The following GLCE variants were observed in gnomAD, a reference collection of about 807,000 sequenced individuals.
GLCE encodes the protein D-glucuronyl C5-epimerase.
Under a neutral mutation model 47.9 loss-of-function variants are expected in GLCE, and 19 were observed. The ratio of observed to expected loss-of-function variants is 0.40; its 90% CI spans 0.28 to 0.58. The LOEUF (loss-of-function observed/expected upper bound fraction) is 0.58, where lower values mean the gene tolerates loss of function less well. Among genes scored for constraint, GLCE ranks in the 20% least tolerant of loss-of-function variants. GLCE has a pLI of 0.48. For missense variants in GLCE, 556 were observed against 743.3 expected (o/e 0.75, Z 2.93); for synonymous variants, 245 against 263.4 (o/e 0.93, Z 0.68).
chr15:69,181,272 A>C (rs1381087543), intron 1 of GLCE, among the ~76,000 whole-genome samples: 1 of 152,222 alleles, frequency 6.6e-6, no homozygotes, highest in Non-Finnish European at 1.5e-5. Flanking sequence ...AAGGAAAGGA[A>C]TGGGCTAGAG....
chr15:69,255,684 G>T (rs2052910347), intron 2 of GLCE, 110 bp from the exon 3 acceptor site: 3 of 628,074 alleles, frequency 4.8e-6, no homozygotes, highest in Non-Finnish European at 5.4e-6. Context: ...ATCCAAAATT[G>T]TCCTAATACA....
rs140697904 is a variant in GLCE, at chr15:69,268,521, C to G, written c.1131C>G (p.Pro377=). The change falls in exon 5 of 5, where the codon CCC becomes CCG. Residue 377 remains proline (P), a synonymous_variant. Transcript: ENST00000261858. Reference sequence around the variant, plus strand: ...CTGTCAAGCCAACCAAAATAATGCCCAAGAAGGTGGTTAGGTTGATTGCAA... The same window carrying G: ...CTGTCAAGCCAACCAAAATAATGCCGAAGAAGGTGGTTAGGTTGATTGCAA... The part of the protein sequence containing the change: ...TKAVKPTKIM[P]KKVVRLIAKG... 9.7e-4 allele frequency: 1,563 copies of G among 1,614,110 alleles called. 18 individuals are homozygous for G. The African/African-American group carries it at 0.019, about 19-fold the overall frequency.
intron 1 of GLCE, among the ~76,000 whole-genome samples, chr15:69,205,571 G>A (rs1345020624): frequency 6.6e-6 from 1 of 152,094 alleles, no homozygotes; most frequent in Non-Finnish European, 1.5e-5. Flanking sequence ...TTGACAAACT[G>A]TTTTCTAAAA....
chr15:69,211,316 A>G (rs1382503778), intron 2 of GLCE, among the ~76,000 whole-genome samples: 1 of 152,078 alleles, frequency 6.6e-6, no homozygotes, highest in Non-Finnish European at 1.5e-5. Flanking sequence ...GTATTTGATT[A>G]TATTTGTCTC....
chr15:69,179,517 G>C (rs995551961), intron 1 of GLCE, among the ~76,000 whole-genome samples: 3 of 152,136 alleles, frequency 2.0e-5, no homozygotes, highest in Non-Finnish European at 4.4e-5. Context: ...ATCATGTGTA[G>C]TTTTGACCAC....
intron 1 of GLCE, among the ~76,000 whole-genome samples, chr15:69,166,212 C>A (rs2051499169): frequency 6.6e-6 from 1 of 152,174 alleles, no homozygotes; most frequent in Non-Finnish European, 1.5e-5. Flanking sequence ...CATTGCCATT[C>A]ATTTTCAAAA....
intron 2 of GLCE, among the ~76,000 whole-genome samples, chr15:69,243,475 A>G (rs1375170686): frequency 1.3e-5 from 2 of 151,446 alleles, no homozygotes; most frequent in African/African-American, 4.9e-5. Flanking sequence ...TCAGTGGCTC[A>G]CACCTGTAAT....
chr15:69,190,363 G>GTCCTTACTAAGT (rs2051895554), intron 1 of GLCE, among the ~76,000 whole-genome samples: 4 of 152,054 alleles, frequency 2.6e-5, no homozygotes, highest in African/African-American at 9.7e-5. Context: ...TTGTCTACTA[G>GTCCTTACTAAGT]TTGTGTCATT....
Position 69,197,122 on chromosome 15 carries a change from C to T in GLCE, c.-104-13194C>T, listed in dbSNP as rs190291154. ...TGCAACGCCTGCAGCCAGCATTGAT[C>T]AACATAAAGGGCCCAGTCCTTCGGC... On this transcript the variant is annotated intron_variant, in intron 1 of 4. Transcript: ENST00000261858. 1.1e-5 allele frequency: 4 copies of T among 362,964 alleles called. No individual in the cohort carries two copies. In the East Asian group the frequency reaches 2.3e-4, roughly 20 times the overall value. The allele number at this position is 362,964 out of a possible 1,614,324, so 22.5% of individuals were successfully genotyped here.
At chr15:69,235,090 A>AATCTTTTTTTTTTTTT (rs1163529945) in intron 2 of GLCE, among the ~76,000 whole-genome samples, 1 of 82,488 alleles carries the variant, frequency 1.2e-5, no homozygotes, top group Non-Finnish European at 2.3e-5. Flanking sequence ...GATGAAGATT[A>AATCTTTTTTTTTTTTT]TTCTTTTTTT....
chr15:69,272,165 C>T lies in GLCE; in HGVS notation c.*2921C>T, dbSNP rs1025521509. ...GGATTGTTTGTGCTTAATGTAAAGC[C>T]GCTTTATAAAACTGTAAAATAAAGT... On this transcript the variant is annotated 3_prime_UTR_variant, in exon 5 of 5. Coordinates refer to ENST00000261858, the MANE Select transcript of GLCE (RefSeq NM_015554.3). 3.9e-5 allele frequency: 6 copies of T among 152,486 alleles called. No individual in the cohort carries two copies. Among genetic ancestry groups the T allele is most frequent in the Admixed American group, 6.5e-5 (1 of 15,270 alleles). The allele number at this position is 152,486 out of a possible 1,614,324, so 9.4% of individuals were successfully genotyped here.
At chr15:69,236,754 C>T (rs2052598696) in intron 2 of GLCE, among the ~76,000 whole-genome samples, 1 of 152,102 alleles carries the variant, frequency 6.6e-6, no homozygotes, top group Non-Finnish European at 1.5e-5. Context: ...ATGAGAAAAC[C>T]GTGATTCAGA....
Position 69,269,297 on chromosome 15 carries a change from C to T in GLCE, c.*53C>T. 2 of 1,426,848 alleles carry T rather than the reference C, an allele frequency of 1.4e-6. No homozygotes were observed. The highest frequency in any genetic ancestry group is 2.0e-6 in the Non-Finnish European group (2 of 1,021,384). The allele number at this position is 1,426,848 out of a possible 1,614,324, so 88.4% of individuals were successfully genotyped here. A position where few individuals can be genotyped will look rare whatever the true frequency, so the allele number is the denominator to read the frequency against. ...CTCTGCTGTACACAGAAACTACAGG[C>T]TCTGTCTCAGGAGAGCATAGGCACA... On this transcript the variant is annotated 3_prime_UTR_variant, in exon 5 of 5. Coordinates refer to ENST00000261858, the MANE Select transcript of GLCE (RefSeq NM_015554.3).
intron 2 of GLCE, among the ~76,000 whole-genome samples, chr15:69,217,615 A>G (rs1375728201): frequency 6.6e-6 from 1 of 152,166 alleles, no homozygotes; most frequent in Non-Finnish European, 1.5e-5. Context: ...TTTTGCATGT[A>G]TGACAGTTGA....
At chr15:69,238,500 C>G (rs1409379256) in intron 2 of GLCE, among the ~76,000 whole-genome samples, 2 of 152,130 alleles carry the variant, frequency 1.3e-5, no homozygotes, top group African/African-American at 4.8e-5. Context: ...TATGGTAAAA[C>G]TACTCGTTAA....
chr15:69,266,762 G>T (rs1417702271), intron 4 of GLCE: 15 of 927,768 alleles, frequency 1.6e-5, no homozygotes, highest in Non-Finnish European at 1.8e-5. Flanking sequence ...AATATCATTT[G>T]TCTTTTTCAC....
chr15:69,202,927 AC>A (rs1160506972), intron 1 of GLCE, among the ~76,000 whole-genome samples: 1 of 152,132 alleles, frequency 6.6e-6, no homozygotes, highest in Non-Finnish European at 1.5e-5. Flanking sequence ...TTTATATAAA[AC>A]TTCATTTCTG....
chr15:69,228,958 G>T (rs573533566), intron 2 of GLCE, among the ~76,000 whole-genome samples: 2 of 152,220 alleles, frequency 1.3e-5, no homozygotes, highest in African/African-American at 4.8e-5. Context: ...AAAGTGCTGG[G>T]ATTATAAATT....
intron 1 of GLCE, among the ~76,000 whole-genome samples, chr15:69,180,664 C>G (rs984758830): frequency 6.6e-6 from 1 of 152,160 alleles, no homozygotes; most frequent in Non-Finnish European, 1.5e-5. Context: ...AGAAGCTTGT[C>G]ATTGGAGTTG....
Sources: allele counts gnomAD v4.1 joint callset (sites outside exome capture counted in the v4.1 genomes callset), GRCh38; gene constraint gnomAD v4.1.1; transcripts MANE v1.5; gene names NCBI Gene and HGNC (gene_info 2026-07-23, HGNC 2026-07-21).